Variants in AP2A1 observed in about 807,000 individuals in gnomAD.
AP2A1 encodes the protein AP-2 complex subunit alpha-1.
A neutral mutation model predicts 107.3 loss-of-function variants in AP2A1; 21 were observed. The ratio of observed to expected loss-of-function variants is 0.20; its 90% CI spans 0.14 to 0.28. The LOEUF is 0.28. Among genes scored for constraint, AP2A1 ranks in the 10% least tolerant of loss-of-function variants. AP2A1 has a pLI of 1.00. For synonymous variants in AP2A1, 602 were observed against 564.8 expected (o/e 1.07, Z -0.93); for missense variants, 873 against 1,307.7 (o/e 0.67, Z 5.13).
rs1325486706 is a variant in AP2A1 at position 49,805,439 on chromosome 19, C to T, written c.2345-14C>T. On this transcript the variant is annotated splice_polypyrimidine_tract_variant and intron_variant, in intron 18 of 22. Transcript: ENST00000354293. ...CACCTCCTCTGTCTGGCTTCCTTGA[C>T]TCCTGGCGGGCACAGCTGGCTGTGC... 2.0e-6 allele frequency: 3 copies of T among 1,528,760 alleles called. No individual in the cohort carries two copies. Among genetic ancestry groups the T allele is most frequent in the East Asian group, 4.9e-5 (2 of 40,550 alleles). The allele number at this position is 1,528,760 out of a possible 1,614,324, so 94.7% of individuals were successfully genotyped here. A position where few individuals can be genotyped will look rare whatever the true frequency, so the allele number is the denominator to read the frequency against.
At chr19:49,773,547 A>G (rs2084586784) in intron 1 of AP2A1, among the ~76,000 whole-genome samples, 1 of 152,178 alleles carries the variant, frequency 6.6e-6, no homozygotes, top group Non-Finnish European at 1.5e-5. Flanking sequence ...GCTGGGTGCC[A>G]GGCACTGTTC....
intron 1 of AP2A1, among the ~76,000 whole-genome samples, chr19:49,778,582 T>A (rs1471168941): frequency 1.3e-5 from 2 of 151,864 alleles, no homozygotes; most frequent in African/African-American, 4.8e-5. Flanking sequence ...AAACTGCGTC[T>A]CAAGATAAAA....
At chr19:49,803,659 C>T in intron 18 of AP2A1, 1 of 463,678 alleles carries the variant, frequency 2.2e-6, no homozygotes, top group South Asian at 2.1e-5. Context: ...CTGCCATCGT[C>T]CTCCACTGGG....
chr19:49,802,082 C>G lies in AP2A1; in HGVS notation c.2055C>G (p.Val685=), dbSNP rs766607359. The change falls in exon 15 of 23, where the codon GTC becomes GTG. Residue 685 remains valine, a synonymous_variant. Coordinates refer to ENST00000354293, the MANE Select transcript of AP2A1 (RefSeq NM_130787.3). ...SAGAGNLLVD[V]FDGPAAQPSL... ...GAGCAGGGAACCTTCTGGTGGACGT[C>G]TTCGATGGCCCGGCCGCCCAGCCCA... 1 of 1,592,466 alleles carries G rather than the reference C, an allele frequency of 6.3e-7. No individual in the cohort carries two copies. Among genetic ancestry groups the G allele is most frequent in the Non-Finnish European group, 8.5e-7 (1 of 1,174,582 alleles).
At chr19:49,795,602 C>CCCCAAAG in intron 6 of AP2A1, 28 bp from the exon 7 acceptor site, 1 of 1,236,844 alleles carries the variant, frequency 8.1e-7, no homozygotes, top group Non-Finnish European at 1.2e-6. Flanking sequence ...CCCCAGCCCC[C>CCCCAAAG]AACTTATTTC....
In AP2A1 at chr19:49,782,684, G is replaced by A. The variant is rs1295134998; in HGVS notation, c.433G>A (p.Glu145Lys). 5 of 1,610,614 alleles carry A rather than the reference G, an allele frequency of 3.1e-6. No homozygotes were observed. In the East Asian group the frequency reaches 6.7e-5, roughly 22 times the overall value. Residue 145 changes from glutamate (E) to lysine (K), a missense_variant, in exon 4 of 23, where the codon GAG (glutamate) becomes AAG (lysine). Around this residue, in one of 4 missense-constraint regions of AP2A1, gnomAD observed 157 missense variants for 212.6 expected, o/e 0.74. Transcript: ENST00000354293. ...CAACGTGGGCAGCCGGGAGATGGGC[G>A]AGGCCTTTGCCGCTGACATCCCCCG... Reference protein sequence around the residue: ...IANVGSREMGEAFAADIPRIL... With the variant: ...IANVGSREMGKAFAADIPRIL...
At position 49,806,857 on chromosome 19, in the gene AP2A1, A is replaced by G. The variant is rs1182790193; in HGVS notation, c.*99A>G. 4.4e-6 allele frequency: 7 copies of G among 1,584,986 alleles called. No individual in the cohort carries two copies. Among genetic ancestry groups the G allele is most frequent in the Admixed American group, 1.8e-5 (1 of 55,834 alleles). On this transcript the variant is annotated 3_prime_UTR_variant, in exon 23 of 23. Coordinates refer to ENST00000354293, the MANE Select transcript of AP2A1 (RefSeq NM_130787.3). ...GGGACCTCCACTGGTGACAGAGAAG[A>G]CACCAGGGTTTGGGGGATGCCTGGG...
chr19:49,798,434 G>T (rs961844149), intron 7 of AP2A1, among the ~76,000 whole-genome samples: 2 of 152,158 alleles, frequency 1.3e-5, no homozygotes, highest in African/African-American at 4.8e-5. Flanking sequence ...TGGGTTTGGG[G>T]GCACCTCTGG....
chr19:49,799,942 C>G (rs755250608), intron 10 of AP2A1, 26 bp from the exon 11 acceptor site: 2 of 1,607,746 alleles, frequency 1.2e-6, no homozygotes, highest in African/African-American at 2.7e-5. Flanking sequence ...CTGCGGCACA[C>G]TCTCTCTCAC....
chr19:49,802,449 C>G (rs147943238), intron 15 of AP2A1: 1 of 1,330,788 alleles, frequency 7.5e-7, no homozygotes, highest in African/African-American at 1.4e-5. Flanking sequence ...CTCTCTGTCT[C>G]TCTTCTGCCC....
At chr19:49,771,960 G>A (rs2084563075) in intron 1 of AP2A1, among the ~76,000 whole-genome samples, 1 of 152,084 alleles carries the variant, frequency 6.6e-6, no homozygotes, top group South Asian at 2.1e-4. Context: ...ACGCCATGGC[G>A]GGCATCTCTA....
chr19:49,780,443 G>A (rs921969788), intron 1 of AP2A1, among the ~76,000 whole-genome samples: 5 of 152,200 alleles, frequency 3.3e-5, no homozygotes, highest in Admixed American at 6.5e-5. Flanking sequence ...AAGAGGATGT[G>A]CGTGTTCCCG....
In AP2A1 at chr19:49,806,958, CCCCT is replaced by C. The variant is rs767602587; in HGVS notation, c.*209_*212del. The C allele has an allele frequency of 7.2e-6, 11 of 1,532,742 alleles. No homozygotes were observed. The highest frequency in any genetic ancestry group is 9.6e-6 in the Non-Finnish European group (11 of 1,146,318). The allele number at this position is 1,532,742 out of a possible 1,614,324, so 94.9% of individuals were successfully genotyped here. ...ACATTCTGGGGGGTTAGGGGGAGTC[CCCCT>C]CCCTCCCTTTCCCCCCCAAGCACAG... On this transcript the variant is annotated 3_prime_UTR_variant, in exon 23 of 23. Coordinates refer to ENST00000354293, the MANE Select transcript of AP2A1 (RefSeq NM_130787.3).
At chr19:49,794,943 G>A (rs1342453398) in intron 6 of AP2A1, among the ~76,000 whole-genome samples, 4 of 152,194 alleles carry the variant, frequency 2.6e-5, no homozygotes, top group Admixed American at 6.5e-5. Flanking sequence ...GATTACAGGC[G>A]TGAGCCACTG....
At position 49,807,020 on chromosome 19, in the gene AP2A1, T is replaced by TGGCCCC; in HGVS notation, c.*262_*263insGGCCCC. ...AGGGGCCAGGGAAGTGGATGTCTCC[T>TGGCCCC]CCCCTCCCACCCCACCCTGTTGTAG... On this transcript the variant is annotated 3_prime_UTR_variant, in exon 23 of 23. Transcript: ENST00000354293. 7.5e-7 allele frequency: 1 copy of TGGCCCC among 1,338,576 alleles called. No homozygotes were observed. Among genetic ancestry groups the TGGCCCC allele is most frequent in the Non-Finnish European group, 1.0e-6 (1 of 996,938 alleles). The allele number at this position is 1,338,576 out of a possible 1,614,324, so 82.9% of individuals were successfully genotyped here. A position where few individuals can be genotyped will look rare whatever the true frequency, so the allele number is the denominator to read the frequency against.
Position 49,781,778 on chromosome 19 carries a change from T to G in AP2A1, c.89T>G (p.Ile30Ser). Residue 30 changes from isoleucine to serine, a missense_variant, in exon 2 of 23, where the codon ATT (isoleucine) becomes AGT (serine). Coordinates refer to ENST00000354293, the MANE Select transcript of AP2A1 (RefSeq NM_130787.3). Reference sequence around the variant, plus strand: ...CCAGGTAAGAGCAAAGAGGCGGAAATTAAGAGAATCAACAAGGAACTGGCC... The same window carrying G: ...CCAGGTAAGAGCAAAGAGGCGGAAAGTAAGAGAATCAACAAGGAACTGGCC... ...IRNCKSKEAE[I>S]KRINKELANI... 2 of 1,603,252 alleles carry G rather than the reference T, an allele frequency of 1.2e-6. No individual in the cohort carries two copies. The highest frequency in any genetic ancestry group is 1.1e-5 in the South Asian group (1 of 89,224).
chr19:49,801,633 G>A lies in AP2A1; in HGVS notation c.1785+12G>A, dbSNP rs763600110. On this transcript the variant is annotated intron_variant, in intron 13 of 22. Transcript: ENST00000354293. ...GCACCGACGTCCTGGTCAGAGCCCTGTCCCCCCACCCCACCCCTCTTGCAC... is the reference window on the plus strand; with the variant it reads ...GCACCGACGTCCTGGTCAGAGCCCTATCCCCCCACCCCACCCCTCTTGCAC... 2.3e-5 allele frequency: 36 copies of A among 1,588,134 alleles called. No individual in the cohort carries two copies. The African/African-American group carries it at 4.1e-4, about 18-fold the overall frequency.
chr19:49,786,034 T>C (rs1280075689), intron 4 of AP2A1, among the ~76,000 whole-genome samples: 1 of 152,046 alleles, frequency 6.6e-6, no homozygotes, highest in Non-Finnish European at 1.5e-5. Flanking sequence ...GAGCCGAGAT[T>C]GCACCACTGC....
intron 1 of AP2A1, among the ~76,000 whole-genome samples, chr19:49,772,251 T>G (rs1022224914): frequency 3.6e-5 from 4 of 111,546 alleles, no homozygotes; most frequent in African/African-American, 1.3e-4. Flanking sequence ...ATAGAGTTTT[T>G]TTTTTTTTTT....
Sources: gnomAD v4.1 joint callset for allele counts (sites outside exome capture counted in the v4.1 genomes callset) on GRCh38, gnomAD v4.1.1 for gene constraint, gnomAD v4.1.1 regional missense constraint, MANE v1.5 for transcripts, NCBI Gene and HGNC (gene_info 2026-07-23, HGNC 2026-07-21) for gene names.